SGMS1: variants seen among roughly 807,000 people sequenced by gnomAD.
The protein encoded by SGMS1 is sphingomyelin synthase 1, also known as phosphatidylcholine:ceramide cholinephosphotransferase 1.
In SGMS1, 13 loss-of-function variants were observed where a neutral mutation model predicts 46.2. That is an observed-to-expected ratio of 0.28 (90% CI 0.18 to 0.45). SGMS1 has a LOEUF of 0.45. Among genes scored for constraint, SGMS1 ranks in the 20% least tolerant of loss-of-function variants. The probability of loss-of-function intolerance (pLI) is 1.00; values close to 1 mark genes in which losing one functional copy is unlikely to be tolerated. For missense variants in SGMS1, 324 were observed against 519.9 expected, an observed-to-expected ratio of 0.62 and a Z score of 3.66; for synonymous variants, 203 against 187.8, an observed-to-expected ratio of 1.08 and a Z score of -0.66.
At chr10:50,396,679 G>C (rs1036241589) in intron 6 of SGMS1, among the ~76,000 whole-genome samples, 3 of 152,104 alleles carry the variant, frequency 2.0e-5, no homozygotes, top group African/African-American at 7.2e-5. Context: ...ATGAGCTGCA[G>C]AGTACCTAGT....
chr10:50,492,844 G>A (rs1339385835), intron 3 of SGMS1, among the ~76,000 whole-genome samples: 4 of 152,080 alleles, frequency 2.6e-5, no homozygotes, highest in Admixed American at 2.0e-4. Context: ...AGCAGCCAAG[G>A]CAATCCTAAT....
At chr10:50,346,197 C>T (rs188573155) in intron 6 of SGMS1, among the ~76,000 whole-genome samples, 21 of 152,182 alleles carry the variant, frequency 1.4e-4, no homozygotes, top group African/African-American at 2.2e-4. Flanking sequence ...GGGTTGTTGT[C>T]GATATTTAAC....
chr10:50,374,113 G>A (rs911242261), intron 6 of SGMS1, among the ~76,000 whole-genome samples: 2 of 152,118 alleles, frequency 1.3e-5, no homozygotes, highest in Non-Finnish European at 2.9e-5. Flanking sequence ...GCACTAAGCA[G>A]CTAATGACTG....
intron 2 of SGMS1, among the ~76,000 whole-genome samples, chr10:50,546,357 C>A (rs933867282): frequency 3.3e-5 from 5 of 152,280 alleles, no homozygotes; most frequent in Middle Eastern, 3.4e-3. Context: ...TTTGACCCAG[C>A]CATCCCATTA....
In SGMS1 at chr10:50,443,895, T is replaced by C. The variant is rs1390230298; in HGVS notation, c.-312-10339A>G. On this transcript the variant is annotated intron_variant, in intron 5 of 10. Coordinates refer to ENST00000361781, the MANE Select transcript of SGMS1 (RefSeq NM_147156.4). Reference sequence around the variant, plus strand: ...GGAGAGGCAAATGAAACCATATTATTGTAGGTTTCTTATATTTTACATGAA... The same window carrying C: ...GGAGAGGCAAATGAAACCATATTATCGTAGGTTTCTTATATTTTACATGAA... Among the ~76,000 whole-genome samples, 4 of 152,062 alleles carry C rather than the reference T, an allele frequency of 2.6e-5. No homozygotes were observed. The East Asian group carries it at 7.7e-4, about 29-fold the overall frequency.
chr10:50,588,469 T>C (rs1396268897), intron 2 of SGMS1, among the ~76,000 whole-genome samples: 1 of 152,164 alleles, frequency 6.6e-6, no homozygotes, highest in Non-Finnish European at 1.5e-5. Flanking sequence ...TAATTGGCTA[T>C]AATGTGTAAA....
chr10:50,392,189 T>TC (rs1848780096), intron 6 of SGMS1, among the ~76,000 whole-genome samples: 3 of 77,848 alleles, frequency 3.9e-5, no homozygotes, highest in Non-Finnish European at 9.0e-5. Context: ...AAAGTAAAAG[T>TC]TAAAAAAAAA....
intron 5 of SGMS1, among the ~76,000 whole-genome samples, chr10:50,458,230 A>T (rs1359031030): frequency 6.6e-6 from 1 of 151,606 alleles, no homozygotes; most frequent in Non-Finnish European, 1.5e-5. Context: ...CATGTTTATG[A>T]TCTAAATGTC....
At chr10:50,388,760 G>A (rs907804347) in intron 6 of SGMS1, among the ~76,000 whole-genome samples, 1 of 152,160 alleles carries the variant, frequency 6.6e-6, no homozygotes, top group African/African-American at 2.4e-5. Flanking sequence ...GGCACATGCT[G>A]TTTTAAATAA....
intron 6 of SGMS1, among the ~76,000 whole-genome samples, chr10:50,421,512 C>A (rs972767278): frequency 1.3e-5 from 2 of 152,162 alleles, no homozygotes; most frequent in African/African-American, 4.8e-5. Flanking sequence ...TCCTCACTTT[C>A]CCACCACTTC....
intron 6 of SGMS1, among the ~76,000 whole-genome samples, chr10:50,403,633 A>T (rs1224872128): frequency 6.6e-6 from 1 of 151,838 alleles, no homozygotes; most frequent in Non-Finnish European, 1.5e-5. Context: ...TGATCTCATC[A>T]TGTGGCTAAA....
chr10:50,327,146 G>T, intron 8 of SGMS1, 59 bp downstream of exon 8: 2 of 1,000,390 alleles, frequency 2.0e-6, no homozygotes, highest in South Asian at 1.4e-5. Flanking sequence ...TCACTCAAAG[G>T]ACCCCAGGGC....
chr10:50,473,584 A>C (rs998590283), intron 3 of SGMS1, among the ~76,000 whole-genome samples: 14 of 152,250 alleles, frequency 9.2e-5, no homozygotes, highest in Non-Finnish European at 1.6e-4. Flanking sequence ...TGGACTAATA[A>C]AAAACTTCGA....
At chr10:50,614,181 T>C (rs1588893307) in intron 1 of SGMS1, among the ~76,000 whole-genome samples, 1 of 151,804 alleles carries the variant, frequency 6.6e-6, no homozygotes, top group African/African-American at 2.4e-5. Context: ...CTTCCTAAGA[T>C]GGGATGTAAT....
intron 5 of SGMS1, among the ~76,000 whole-genome samples, chr10:50,438,705 T>C (rs1421637949): frequency 6.6e-6 from 1 of 152,190 alleles, no homozygotes; most frequent in Non-Finnish European, 1.5e-5. Flanking sequence ...TCACCACATG[T>C]CCTTCTGAGA....
intron 3 of SGMS1, among the ~76,000 whole-genome samples, chr10:50,491,772 T>C (rs1353324461): frequency 6.6e-6 from 1 of 152,166 alleles, no homozygotes; most frequent in African/African-American, 2.4e-5. Context: ...CTGTTAAAAC[T>C]ATTCCCCAAA....
chr10:50,478,974 C>T (rs1027131073), intron 3 of SGMS1, among the ~76,000 whole-genome samples: 5 of 151,642 alleles, frequency 3.3e-5, no homozygotes, highest in Admixed American at 2.0e-4. Context: ...AGTTTCCAAC[C>T]TTTCTTTTCA....
intron 2 of SGMS1, among the ~76,000 whole-genome samples, chr10:50,541,972 T>A (rs760743597): frequency 6.6e-6 from 1 of 152,204 alleles, no homozygotes; most frequent in African/African-American, 2.4e-5. Context: ...TAGATGAGTA[T>A]GCTGGTGTCT....
At chr10:50,344,734 TGGCG>T (rs971207221) in intron 6 of SGMS1, among the ~76,000 whole-genome samples, 2 of 151,966 alleles carry the variant, frequency 1.3e-5, no homozygotes, top group African/African-American at 2.4e-5. Flanking sequence ...CCGGGTGTGG[TGGCG>T]GGCGCCTGTA....
Sources: allele counts gnomAD v4.1 joint callset (sites outside exome capture counted in the v4.1 genomes callset), GRCh38; gene constraint gnomAD v4.1.1; transcripts MANE v1.5; gene names NCBI Gene and HGNC (gene_info 2026-07-23, HGNC 2026-07-21).